Variants in DOCK10 observed in about 807,000 individuals in gnomAD.
DOCK10 encodes dedicator of cytokinesis 10, also known as dedicator of cytokinesis protein 10.
Under a neutral mutation model 280.1 loss-of-function variants are expected in DOCK10, and 145 were observed. The ratio of observed to expected loss-of-function variants is 0.52; its 90% CI spans 0.45 to 0.59. The LOEUF is 0.59. DOCK10 is among the 20% of genes least tolerant of loss of function. The pLI is 0.00. For missense variants in DOCK10, 2,368 were observed against 2,651.7 expected (o/e 0.89, Z 2.35); for synonymous variants, 915 against 942.2 (o/e 0.97, Z 0.53).
intron 7 of DOCK10, among the ~76,000 whole-genome samples, chr2:224,877,763 A>G (rs1698730335): frequency 1.3e-5 from 2 of 152,194 alleles, no homozygotes; most frequent in South Asian, 4.1e-4. Context: ...AAATTGTTAC[A>G]ATTTTATATA....
chr2:224,969,333 C>A (rs748013877), intron 1 of DOCK10, among the ~76,000 whole-genome samples: 14 of 152,326 alleles, frequency 9.2e-5, no homozygotes, highest in Non-Finnish European at 2.1e-4. Flanking sequence ...TAGCGAACAT[C>A]TTCTAAGAAC....
At chr2:224,977,349 C>T (rs1007037182) in intron 1 of DOCK10, among the ~76,000 whole-genome samples, 2 of 152,170 alleles carry the variant, frequency 1.3e-5, no homozygotes, top group Non-Finnish European at 2.9e-5. Context: ...CTGACCAACA[C>T]TTGCTTTTCT....
At chr2:224,950,405 C>T (rs984525839) in intron 1 of DOCK10, among the ~76,000 whole-genome samples, 2 of 152,162 alleles carry the variant, frequency 1.3e-5, no homozygotes. Flanking sequence ...TCATTGTTAT[C>T]ACCACTCCAG....
Position 225,038,722 on chromosome 2 carries a change from T to G in DOCK10, c.123+3530A>C, listed in dbSNP as rs1479565863. On this transcript the variant is annotated intron_variant, in intron 1 of 55. Coordinates refer to ENST00000258390, the MANE Select transcript of DOCK10 (RefSeq NM_014689.3). The stretch of plus-strand genomic sequence containing the variant: ...AGAGTAAATATAAAGGCATTAAAAG[T>G]GCATGTAACTAAAGTGGTAAGCTCC... Among the ~76,000 whole-genome samples the G allele has an allele frequency of 1.3e-5, 2 of 152,150 alleles. 1 individual carries two copies.
intron 55 of DOCK10, among the ~76,000 whole-genome samples, chr2:224,766,106 ATC>A (rs1385527175): frequency 2.6e-5 from 4 of 152,212 alleles, no homozygotes; most frequent in Non-Finnish European, 4.4e-5. Context: ...TTACAAATAT[ATC>A]TGAGTAATTC....
At chr2:224,857,295 C>A (rs1697213748) in intron 14 of DOCK10, among the ~76,000 whole-genome samples, 1 of 152,170 alleles carries the variant, frequency 6.6e-6, no homozygotes. Flanking sequence ...AATAGGAACA[C>A]AAGTTACTCT....
intron 2 of DOCK10, among the ~76,000 whole-genome samples, chr2:224,917,215 C>T (rs1559754624): frequency 6.9e-6 from 1 of 144,400 alleles, no homozygotes; most frequent in Non-Finnish European, 1.5e-5. Context: ...AAGCGATTCT[C>T]CTGTTGCAGC....
chr2:225,001,629 A>G (rs1473637286), intron 1 of DOCK10, among the ~76,000 whole-genome samples: 1 of 152,166 alleles, frequency 6.6e-6, no homozygotes, highest in East Asian at 1.9e-4. Flanking sequence ...TATTTGCAAT[A>G]CTGTGGAAGG....
chr2:224,797,242 C>CT, intron 42 of DOCK10, 96 bp from the exon 43 acceptor site: 1 of 934,396 alleles, frequency 1.1e-6, no homozygotes, highest in Non-Finnish European at 1.5e-6. Context: ...AAATCCCTCT[C>CT]CTTTTTTTTT....
intron 1 of DOCK10, among the ~76,000 whole-genome samples, chr2:225,004,056 TGTAA>T (rs1706508532): frequency 6.6e-6 from 1 of 152,174 alleles, no homozygotes. Flanking sequence ...TTGTCTGTGA[TGTAA>T]GTATCATGAT....
At chr2:225,032,215 C>T (rs867325283) in intron 1 of DOCK10, among the ~76,000 whole-genome samples, 1 of 152,098 alleles carries the variant, frequency 6.6e-6, no homozygotes, top group Non-Finnish European at 1.5e-5. Context: ...GTTTTAAAGA[C>T]AAGAACACTG....
Position 224,864,821 on chromosome 2 carries a change from T to C in DOCK10, c.1479+45A>G, listed in dbSNP as rs750130805. The C allele has an allele frequency of 7.5e-6, 12 of 1,609,490 alleles. No individual in the cohort carries two copies. The South Asian group carries it at 9.9e-5, about 13-fold the overall frequency. On this transcript the variant is annotated intron_variant, in intron 12 of 55. Transcript: ENST00000258390. ...TTATATGATCTATTGGTAAGAATAA[T>C]GGTACAAGCATTTTCCATCTCATCA...
intron 7 of DOCK10, among the ~76,000 whole-genome samples, chr2:224,878,567 G>C (rs565729493): frequency 6.6e-6 from 1 of 152,308 alleles, no homozygotes; most frequent in South Asian, 2.1e-4. Context: ...CTGTGGCCTG[G>C]GAGTTGTGGT....
At chr2:224,986,682 GC>G (rs1190265125) in intron 1 of DOCK10, among the ~76,000 whole-genome samples, 2 of 152,156 alleles carry the variant, frequency 1.3e-5, no homozygotes, top group Non-Finnish European at 2.9e-5. Flanking sequence ...GTGAGAAGGT[GC>G]TATTTGCAAG....
Position 224,876,492 on chromosome 2 carries a change from G to A in DOCK10, c.748-271C>T, listed in dbSNP as rs563124783. On this transcript the variant is annotated intron_variant, in intron 7 of 55. Coordinates refer to ENST00000258390, the MANE Select transcript of DOCK10 (RefSeq NM_014689.3). ...AACATTTCATCACGGGCATGTGCTT[G>A]AGTATATTCTTAACTCCTTGTAAGA... Among the ~76,000 whole-genome samples the A allele has an allele frequency of 4.1e-4, 62 of 152,174 alleles. 1 individual carries two copies.
chr2:224,935,589 C>A (rs1399671894), intron 1 of DOCK10, among the ~76,000 whole-genome samples: 1 of 152,182 alleles, frequency 6.6e-6, no homozygotes, highest in Non-Finnish European at 1.5e-5. Context: ...TTAAAATCCC[C>A]ATGCATTAAT....
chr2:224,991,809 C>T (rs1025164546), intron 1 of DOCK10, among the ~76,000 whole-genome samples: 6 of 152,166 alleles, frequency 3.9e-5, no homozygotes, highest in East Asian at 1.9e-4. Context: ...GACTAATCCC[C>T]GTTCGGGGCG....
In DOCK10 at chr2:224,787,267, A is replaced by G. The variant is rs375440547; in HGVS notation, c.5541+8T>C. 351 of 1,613,876 alleles carry G rather than the reference A, an allele frequency of 2.2e-4. No homozygotes were observed. Among genetic ancestry groups the G allele is most frequent in the Non-Finnish European group, 2.7e-4 (319 of 1,179,888 alleles). On this transcript the variant is annotated splice_region_variant and intron_variant, in intron 49 of 55. Transcript: ENST00000258390. ...TTTAATTAACTTCTAGGGGGTTGGA[A>G]TACATACTTTGAAGTCTCGTTGTTT...
chr2:224,886,246 G>C, intron 5 of DOCK10, 61 bp from the exon 6 acceptor site: 2 of 1,593,366 alleles, frequency 1.3e-6, no homozygotes, highest in Non-Finnish European at 1.7e-6. Context: ...CCTAGACACT[G>C]CATTTAAAAA....
Sources: gnomAD v4.1 joint callset for allele counts (sites outside exome capture counted in the v4.1 genomes callset) on GRCh38, gnomAD v4.1.1 for gene constraint, MANE v1.5 for transcripts, NCBI Gene and HGNC (gene_info 2026-07-23, HGNC 2026-07-21) for gene names.